The following AFG1L variants were observed in gnomAD, a reference collection of about 807,000 sequenced individuals.
AFG1L encodes AFG1-like ATPase.
A neutral mutation model predicts 62.2 loss-of-function variants in AFG1L; 53 were observed. The ratio of observed to expected loss-of-function variants is 0.85; its 90% confidence interval spans 0.68 to 1.07. The LOEUF is 1.07. Among genes scored for constraint, AFG1L ranks in the 50% least tolerant of loss-of-function variants. The pLI is 0.00. For synonymous variants in AFG1L, 228 were observed against 210.3 expected (o/e 1.08, Z -0.73); for missense variants, 555 against 590.5 (o/e 0.94, Z 0.62).
intron 7 of AFG1L, among the ~76,000 whole-genome samples, chr6:108,444,810 G>C (rs1415200712): frequency 6.6e-6 from 1 of 152,214 alleles, no homozygotes; most frequent in East Asian, 1.9e-4. Flanking sequence ...AGGCAGAGTA[G>C]ATGTAGCAAA....
At chr6:108,318,904 T>G (rs1343014010) in intron 1 of AFG1L, among the ~76,000 whole-genome samples, 1 of 152,212 alleles carries the variant, frequency 6.6e-6, no homozygotes, top group Non-Finnish European at 1.5e-5. Flanking sequence ...ACAGATTTAA[T>G]TTAATGCAGC....
chr6:108,510,210 A>G lies in AFG1L; in HGVS notation c.1063-2A>G. On this transcript the variant is annotated splice_acceptor_variant, in intron 10 of 12. Transcript: ENST00000368977. LOFTEE classifies it high-confidence loss of function. ...GTTTTCTTTTATTTCATTTTATCAT[A>G]GCCACTTGGAGCCAGTGACTATTTG... 6.3e-7 allele frequency: 1 copy of G among 1,597,066 alleles called. No homozygotes were observed. The highest frequency in any genetic ancestry group is 1.1e-5 in the South Asian group (1 of 87,700).
At chr6:108,341,003 G>A (rs1054138491) in intron 2 of AFG1L, among the ~76,000 whole-genome samples, 5 of 152,158 alleles carry the variant, frequency 3.3e-5, no homozygotes, top group African/African-American at 9.7e-5. Context: ...GAGACACAGT[G>A]AACTCACCAG....
intron 7 of AFG1L, among the ~76,000 whole-genome samples, chr6:108,430,123 G>T (rs556253822): frequency 6.6e-6 from 1 of 151,856 alleles, no homozygotes; most frequent in South Asian, 2.1e-4. Flanking sequence ...AATTTTTGTG[G>T]TTTTAGTAGA....
chr6:108,510,017 A>G (rs551281124), intron 10 of AFG1L, among the ~76,000 whole-genome samples, 195 bp from the exon 11 acceptor site: 1 of 152,324 alleles, frequency 6.6e-6, no homozygotes, highest in African/African-American at 2.4e-5. Flanking sequence ...GAATAACTAC[A>G]TGCTCAAGGA....
intron 7 of AFG1L, among the ~76,000 whole-genome samples, chr6:108,437,224 A>G (rs1385384055): frequency 6.6e-6 from 1 of 152,184 alleles, no homozygotes; most frequent in East Asian, 1.9e-4. Flanking sequence ...GATGATAATG[A>G]TGGACTCATT....
At chr6:108,328,035 G>C (rs959308479) in intron 2 of AFG1L, among the ~76,000 whole-genome samples, 15 of 152,128 alleles carry the variant, frequency 9.9e-5, no homozygotes, top group Admixed American at 6.6e-4. Flanking sequence ...AGGTAATGAT[G>C]AATTATTTCT....
At chr6:108,382,994 T>A (rs1446976360) in intron 6 of AFG1L, among the ~76,000 whole-genome samples, 1 of 152,202 alleles carries the variant, frequency 6.6e-6, no homozygotes, top group Non-Finnish European at 1.5e-5. Flanking sequence ...ATCCCATCAC[T>A]TTGGAAGGCC....
intron 11 of AFG1L, among the ~76,000 whole-genome samples, chr6:108,512,186 C>T (rs1774678989): frequency 6.6e-6 from 1 of 152,174 alleles, no homozygotes; most frequent in South Asian, 2.1e-4. Context: ...CTTATAAATG[C>T]TGAGAAGAGT....
chr6:108,455,366 T>A (rs537829405), intron 8 of AFG1L, among the ~76,000 whole-genome samples: 11 of 152,328 alleles, frequency 7.2e-5, no homozygotes, highest in Admixed American at 7.2e-4. Flanking sequence ...AAAAGATTTT[T>A]AAAAAGATAG....
At chr6:108,370,794 C>T (rs968923469) in intron 6 of AFG1L, among the ~76,000 whole-genome samples, 1 of 152,144 alleles carries the variant, frequency 6.6e-6, no homozygotes, top group East Asian at 1.9e-4. Flanking sequence ...CTAGAACACG[C>T]ATTTTCTTTT....
intron 10 of AFG1L, among the ~76,000 whole-genome samples, chr6:108,478,374 C>T (rs1243820380): frequency 3.3e-5 from 5 of 152,208 alleles, no homozygotes; most frequent in African/African-American, 9.6e-5. Context: ...GAGGCGGAGC[C>T]TGCATTGAGC....
At chr6:108,430,649 T>C (rs1771032607) in intron 7 of AFG1L, among the ~76,000 whole-genome samples, 1 of 152,236 alleles carries the variant, frequency 6.6e-6, no homozygotes, top group South Asian at 2.1e-4. Context: ...CTTTAAAGAA[T>C]CTTATCTTTA....
At chr6:108,411,887 G>A (rs1451511760) in intron 7 of AFG1L, among the ~76,000 whole-genome samples, 9 of 152,184 alleles carry the variant, frequency 5.9e-5, no homozygotes, top group Non-Finnish European at 1.3e-4. Flanking sequence ...CGCCAGCAAC[G>A]GAACAAAGCT....
At chr6:108,295,819 C>T (rs1047713295) in intron 1 of AFG1L, 7 of 152,164 alleles carry the variant, frequency 4.6e-5, no homozygotes, top group African/African-American at 1.7e-4. Flanking sequence ...TCTGAGTAAC[C>T]AAGAGTGCCA....
At chr6:108,390,087 T>C (rs1780979326) in intron 6 of AFG1L, among the ~76,000 whole-genome samples, 1 of 152,176 alleles carries the variant, frequency 6.6e-6, no homozygotes, top group African/African-American at 2.4e-5. Flanking sequence ...CTTTTTACTC[T>C]TTTTTCTCTA....
At chr6:108,349,376 C>T (rs893952301) in intron 3 of AFG1L, among the ~76,000 whole-genome samples, 2 of 151,982 alleles carry the variant, frequency 1.3e-5, no homozygotes, top group African/African-American at 2.4e-5. Context: ...CCCAATTACT[C>T]GAGAGGCTAA....
In AFG1L at chr6:108,409,648, G is replaced by A. The variant is rs1348028768; in HGVS notation, c.807+7594G>A. 2.0e-5 allele frequency among the ~76,000 whole-genome samples: 3 copies of A among 152,138 alleles called. No homozygotes were observed. In the East Asian group the frequency reaches 5.8e-4, roughly 29 times the overall value. ...AAATAATTATAAGATTAGATGATAA[G>A]TGAGCTGGCAGAGCAGCTCTCAAAT... On this transcript the variant is annotated intron_variant, in intron 7 of 12. Transcript: ENST00000368977.
At chr6:108,445,771 A>C (rs1190769487) in intron 7 of AFG1L, among the ~76,000 whole-genome samples, 1 of 152,080 alleles carries the variant, frequency 6.6e-6, no homozygotes, top group East Asian at 1.9e-4. Context: ...GGTACCCTAA[A>C]ACAATTACAG....
Sources: gnomAD v4.1 joint callset for allele counts (sites outside exome capture counted in the v4.1 genomes callset) on GRCh38, gnomAD v4.1.1 for gene constraint, MANE v1.5 for transcripts, NCBI Gene and HGNC (gene_info 2026-07-23, HGNC 2026-07-21) for gene names.